The following ZNF273 variants were observed in gnomAD, a reference collection of about 807,000 sequenced individuals.
The protein encoded by ZNF273 is zinc finger protein 9.
ZNF273 carries 11 observed loss-of-function variants against 14.9 expected under a neutral mutation model. The observed-to-expected ratio is 0.74, with a 90% CI of 0.46 to 1.22. The LOEUF (loss-of-function observed/expected upper bound fraction) is 1.22. Ranked by LOEUF, ZNF273 falls within the 50% of genes most tolerant of loss-of-function variation. The pLI is 0.00. For synonymous variants in ZNF273, 199 were observed against 223.9 expected (o/e 0.89, Z 0.99); for missense variants, 577 against 660.6 (o/e 0.87, Z 1.39).
chr7:64,880,586 G>A (rs1349545655), downstream of ZNF273, among the ~76,000 whole-genome samples: 3 of 150,688 alleles, frequency 2.0e-5, no homozygotes, highest in Admixed American at 6.6e-5. Context: ...TTTTTTTTTC[G>A]AGTCGCCCCA....
At chr7:64,927,516 CTG>C (rs1794818985) in intron 3 of ZNF273, 136 bp from the exon 4 acceptor site, 1 of 682,366 alleles carries the variant, frequency 1.5e-6, no homozygotes. Context: ...ATTGATATGT[CTG>C]TGAAGGAATT....
chr7:64,924,448 T>G (rs185617710), intron 3 of ZNF273: 7 of 152,346 alleles, frequency 4.6e-5, no homozygotes, highest in Non-Finnish European at 7.3e-5. Context: ...GTTCTCTATG[T>G]GTTTCAATTC....
At chr7:64,936,040 T>G in the ZNF273 span, among the ~76,000 whole-genome samples, 1 of 152,160 alleles carries the variant, frequency 6.6e-6, no homozygotes, top group Non-Finnish European at 1.5e-5. Flanking sequence ...GCTAAACAAC[T>G]TGAAGGGAGA....
chr7:64,898,105 G>T (rs1366183194), intron 4 of ZNF273: 1 of 152,154 alleles, frequency 6.6e-6, no homozygotes, highest in African/African-American at 2.4e-5. Flanking sequence ...AAGGGATATT[G>T]TTTGAAATAA....
intron 1 of ZNF273, among the ~76,000 whole-genome samples, chr7:64,887,430 T>C (rs779038061): frequency 2.6e-5 from 4 of 152,182 alleles, no homozygotes; most frequent in Non-Finnish European, 5.9e-5. Flanking sequence ...TCTGGTAGTT[T>C]GGAGTGAGTG....
At chr7:64,900,404 G>T (rs1274843289), upstream of ZNF273, among the ~76,000 whole-genome samples, 2 of 152,200 alleles carry the variant, frequency 1.3e-5, no homozygotes, top group Non-Finnish European at 2.9e-5. Context: ...AGTGGTACAG[G>T]AGATAGAAAG....
chr7:64,933,894 T>C (rs1438399766), downstream of ZNF273, among the ~76,000 whole-genome samples: 1 of 152,242 alleles, frequency 6.6e-6, no homozygotes, highest in African/African-American at 2.4e-5. Context: ...TCACATTTTC[T>C]TAGCATTTTT....
intron 3 of ZNF273, among the ~76,000 whole-genome samples, chr7:64,896,686 C>A (rs1792382764): frequency 6.6e-6 from 1 of 152,002 alleles, no homozygotes; most frequent in Non-Finnish European, 1.5e-5. Flanking sequence ...AAAATAGTAT[C>A]TTTTATTAAT....
rs1279145612 is a variant in ZNF273, at chr7:64,928,445, C to A, written c.1117C>A (p.Pro373Thr). 2 of 1,613,386 alleles carry A rather than the reference C, an allele frequency of 1.2e-6. No homozygotes were observed. The highest frequency in any genetic ancestry group is 1.7e-6 in the Non-Finnish European group (2 of 1,179,914). The change falls in exon 4 of 4, where the codon CCC becomes ACC. Residue 373 changes from proline (P) to threonine (T), a missense_variant. Physicochemically the swap from Pro to Thr is conservative, Grantham distance 38 (BLOSUM62 -1). This residue lies in a region of ZNF273 where 411 missense variants were observed against 440.4 expected (regional missense o/e 0.93). Transcript: ENST00000476120. The part of the protein sequence containing the change: ...KHKRIHTGEK[P>T]YKCEECGKAF... The stretch of plus-strand genomic sequence containing the variant: ...TAAGAGAATTCATACTGGAGAGAAA[C>A]CCTACAAATGTGAAGAATGTGGCAA...
downstream of ZNF273, among the ~76,000 whole-genome samples, chr7:64,883,109 G>T (rs963959260): frequency 6.6e-6 from 1 of 151,842 alleles, no homozygotes; most frequent in East Asian, 1.9e-4. Flanking sequence ...GCCTCTGTGC[G>T]GCTCTGCTTG....
At chr7:64,927,124 C>T in intron 3 of ZNF273, among the ~76,000 whole-genome samples, 1 of 152,200 alleles carries the variant, frequency 6.6e-6, no homozygotes, top group Non-Finnish European at 1.5e-5. Context: ...CAGAGTCTCA[C>T]TCTCATCACC....
chr7:64,881,186 C>G (rs960741752), downstream of ZNF273, among the ~76,000 whole-genome samples: 3 of 152,216 alleles, frequency 2.0e-5, no homozygotes, highest in African/African-American at 7.2e-5. Context: ...GCCATTCTGG[C>G]CAGCTCCCGA....
At chr7:64,893,815 C>G (rs1277586962), downstream of ZNF273, 1 of 153,776 alleles carries the variant, frequency 6.5e-6, no homozygotes, top group African/African-American at 2.4e-5. Flanking sequence ...ATCCCACCAT[C>G]CCTAGGACAG....
chr7:64,914,926 T>TA (rs1793854527), intron 1 of ZNF273, among the ~76,000 whole-genome samples: 1 of 1,372 alleles, frequency 7.3e-4, no homozygotes, highest in Non-Finnish European at 6.4e-3. Flanking sequence ...AAAAATGGCC[T>TA]TTTTTTTTTT....
chr7:64,890,917 C>T (rs1401960571), downstream of ZNF273, among the ~76,000 whole-genome samples: 3 of 152,214 alleles, frequency 2.0e-5, no homozygotes, highest in Non-Finnish European at 4.4e-5. Context: ...GCCTGTGTGC[C>T]AACAGCCACA....
downstream of ZNF273, chr7:64,890,190 GT>G (rs1228404924): frequency 4.3e-4 from 7 of 16,460 alleles, no homozygotes; most frequent in African/African-American, 1.7e-3. Flanking sequence ...CAGGTTAGGG[GT>G]GTGTGTGTGT....
downstream of ZNF273, among the ~76,000 whole-genome samples, chr7:64,883,218 C>CAA (rs1791359106): frequency 1.5e-5 from 2 of 130,278 alleles, no homozygotes; most frequent in South Asian, 5.0e-4. Context: ...ATCACCACCC[C>CAA]CCCCTCACCA....
At chr7:64,906,770 T>TA (rs1477842297) in intron 1 of ZNF273, among the ~76,000 whole-genome samples, 1 of 152,124 alleles carries the variant, frequency 6.6e-6, no homozygotes, top group African/African-American at 2.4e-5. Context: ...AGGAAGGTCT[T>TA]ACTGGAGATG....
downstream of ZNF273, among the ~76,000 whole-genome samples, chr7:64,932,254 C>G (rs1402014109): frequency 2.7e-5 from 4 of 149,702 alleles, no homozygotes; most frequent in Non-Finnish European, 1.5e-5. Context: ...TTACTAGATT[C>G]TTATACAAAG....
Sources: gnomAD v4.1 joint callset for allele counts (sites outside exome capture counted in the v4.1 genomes callset) on GRCh38, gnomAD v4.1.1 for gene constraint, gnomAD v4.1.1 regional missense constraint, MANE v1.5 for transcripts, NCBI Gene and HGNC (gene_info 2026-07-23, HGNC 2026-07-21) for gene names.